The following SAMSN1 variants were observed in gnomAD, a reference collection of about 807,000 sequenced individuals.
SAMSN1 encodes SAM domain-containing protein SAMSN-1.
Under a neutral mutation model 42.0 loss-of-function variants are expected in SAMSN1, and 31 were observed. The observed-to-expected ratio is 0.74, with a 90% CI of 0.55 to 1.00. The LOEUF (loss-of-function observed/expected upper bound fraction) is 1.00, where lower values mean the gene tolerates loss of function less well. SAMSN1 is among the 50% of genes least tolerant of loss of function. SAMSN1 has a pLI of 0.00. For missense variants in SAMSN1, 464 were observed against 439.4 expected (o/e 1.06, Z -0.50); for synonymous variants, 178 against 151.9 (o/e 1.17, Z -1.26).
chr21:14,545,820 TAA>T (rs1379667301), intron 1 of SAMSN1, among the ~76,000 whole-genome samples: 1 of 152,178 alleles, frequency 6.6e-6, no homozygotes, highest in Non-Finnish European at 1.5e-5. Flanking sequence ...GCTAATTACT[TAA>T]GAGATAAAAT....
At chr21:14,510,652 G>A (rs528480515) in intron 4 of SAMSN1, among the ~76,000 whole-genome samples, 191 bp from the exon 5 acceptor site, 1 of 150,216 alleles carries the variant, frequency 6.7e-6, no homozygotes, top group African/African-American at 2.5e-5. Context: ...GAGCCATTTC[G>A]AACCTTTTTC....
intron 3 of SAMSN1, among the ~76,000 whole-genome samples, chr21:14,515,381 G>A (rs550161174): frequency 5.3e-5 from 8 of 151,980 alleles, no homozygotes; most frequent in Admixed American, 1.3e-4. Context: ...CAAGAGTACC[G>A]AGACAATCAA....
intron 1 of SAMSN1, among the ~76,000 whole-genome samples, chr21:14,643,731 G>C (rs1983650406): frequency 6.6e-6 from 1 of 152,148 alleles, no homozygotes; most frequent in Non-Finnish European, 1.5e-5. Context: ...AGCACTCATA[G>C]TACCTGGTTT....
chr21:14,567,072 A>G (rs887426575), intron 2 of SAMSN1, among the ~76,000 whole-genome samples: 6 of 152,298 alleles, frequency 3.9e-5, no homozygotes, highest in Non-Finnish European at 8.8e-5. Flanking sequence ...ATTGGGTTGA[A>G]TGCTATGCCA....
At chr21:14,625,230 C>T (rs1291846752) in intron 2 of SAMSN1, among the ~76,000 whole-genome samples, 1 of 152,072 alleles carries the variant, frequency 6.6e-6, no homozygotes, top group East Asian at 1.9e-4. Flanking sequence ...GACAGGGATG[C>T]CCTCTTTCAC....
At chr21:14,577,559 A>G (rs1389079312) in intron 2 of SAMSN1, among the ~76,000 whole-genome samples, 2 of 151,908 alleles carry the variant, frequency 1.3e-5, no homozygotes, top group Non-Finnish European at 2.9e-5. Context: ...ATCCTTTCTT[A>G]CCCTCATTCC....
At chr21:14,516,833 C>A (rs1190857038) in intron 3 of SAMSN1, 59 bp downstream of exon 3, 44 of 1,410,028 alleles carry the variant, frequency 3.1e-5, no homozygotes, top group African/African-American at 4.3e-5. Flanking sequence ...TATAGTCTAG[C>A]TGAATAGTTT....
chr21:14,645,872 GAAGA>G (rs1449632504), intron 1 of SAMSN1, among the ~76,000 whole-genome samples: 1 of 152,172 alleles, frequency 6.6e-6, no homozygotes, highest in African/African-American at 2.4e-5. Context: ...TTGGCACACT[GAAGA>G]ATGCATCAGA....
intron 5 of SAMSN1, 73 bp downstream of exon 5, chr21:14,510,237 A>G: frequency 1.4e-6 from 2 of 1,447,204 alleles, no homozygotes; most frequent in Non-Finnish European, 1.9e-6. Flanking sequence ...CCCACTGCTT[A>G]TACTTGCTGA....
intron 5 of SAMSN1, among the ~76,000 whole-genome samples, chr21:14,604,316 G>A (rs909050638): frequency 6.6e-6 from 1 of 152,104 alleles, no homozygotes; most frequent in Non-Finnish European, 1.5e-5. Flanking sequence ...ATCAAGAAAT[G>A]GAGTCTAATT....
chr21:14,596,565 C>G (rs944311260), intron 6 of SAMSN1, among the ~76,000 whole-genome samples: 1 of 152,124 alleles, frequency 6.6e-6, no homozygotes, highest in Non-Finnish European at 1.5e-5. Flanking sequence ...TGTTTAACTT[C>G]TGAAATTAGA....
chr21:14,626,001 CA>C (rs1209671029), intron 2 of SAMSN1, among the ~76,000 whole-genome samples: 1 of 152,194 alleles, frequency 6.6e-6, no homozygotes, highest in Non-Finnish European at 1.5e-5. Flanking sequence ...TGATCTTTGA[CA>C]AACCTGACAA....
At chr21:14,635,341 G>C (rs1983440855) in intron 2 of SAMSN1, among the ~76,000 whole-genome samples, 1 of 152,046 alleles carries the variant, frequency 6.6e-6, no homozygotes, top group Admixed American at 6.5e-5. Flanking sequence ...AGAACTTAAA[G>C]TGAAAAAAAT....
At chr21:14,592,388 T>C (rs9983957) in intron 7 of SAMSN1, 4,684 of 153,552 alleles carry the variant, frequency 0.031, 239 homozygotes, top group African/African-American at 0.1. Flanking sequence ...TTATTTCATA[T>C]ACACAAGAAA....
chr21:14,646,521 G>A (rs1474117815), intron 1 of SAMSN1, among the ~76,000 whole-genome samples: 1 of 152,140 alleles, frequency 6.6e-6, no homozygotes, highest in Non-Finnish European at 1.5e-5. Flanking sequence ...GCTAAAGGGA[G>A]TACTTCAATC....
chr21:14,521,033 G>C (rs1367101904), intron 2 of SAMSN1, 117 bp downstream of exon 2: 5 of 673,386 alleles, frequency 7.4e-6, no homozygotes, highest in Non-Finnish European at 1.3e-5. Context: ...CATATGCAAG[G>C]CTATAATTTT....
At chr21:14,533,445 G>T (rs1979395524) in intron 1 of SAMSN1, among the ~76,000 whole-genome samples, 1 of 152,136 alleles carries the variant, frequency 6.6e-6, no homozygotes, top group Non-Finnish European at 1.5e-5. Context: ...TTATTTAATT[G>T]TATTCATTTT....
intron 2 of SAMSN1, among the ~76,000 whole-genome samples, chr21:14,553,985 T>G (rs181587184): frequency 6.6e-6 from 1 of 152,166 alleles, no homozygotes; most frequent in South Asian, 2.1e-4. Flanking sequence ...TAGTCCAATG[T>G]TGAACATACT....
At chr21:14,521,750 C>T (rs1978497920) in intron 1 of SAMSN1, among the ~76,000 whole-genome samples, 1 of 152,048 alleles carries the variant, frequency 6.6e-6, no homozygotes, top group African/African-American at 2.4e-5. Flanking sequence ...GGAAAAATAG[C>T]TAATGCATGA....
Sources: allele counts gnomAD v4.1 joint callset (sites outside exome capture counted in the v4.1 genomes callset), GRCh38; gene constraint gnomAD v4.1.1; transcripts MANE v1.5; gene names NCBI Gene and HGNC (gene_info 2026-07-23, HGNC 2026-07-21).